Variants in SPICE1 observed in about 807,000 individuals in gnomAD.
The protein encoded by SPICE1 is spindle and centriole associated protein 1, also known as spindle and centriole-associated protein 1.
In SPICE1, 75 loss-of-function variants were observed where a neutral mutation model predicts 102.7. The ratio of observed to expected loss-of-function variants is 0.73; its 90% CI spans 0.61 to 0.88. The LOEUF (loss-of-function observed/expected upper bound fraction) is 0.88. SPICE1 is among the 40% of genes least tolerant of loss of function. The pLI is 0.00. For synonymous variants in SPICE1, 308 were observed against 350.3 expected (o/e 0.88, Z 1.35); for missense variants, 979 against 1,020.1 (o/e 0.96, Z 0.55).
intron 16 of SPICE1, 146 bp from the exon 17 acceptor site, chr3:113,446,822 A>G: frequency 1.5e-6 from 1 of 671,122 alleles, no homozygotes. Context: ...ATTATTTGTA[A>G]CTTATTTTCA....
At position 113,451,650 on chromosome 3, in the gene SPICE1, T is replaced by C. The variant is rs1200200631; in HGVS notation, c.2143-1134A>G. ...CTGCTGTCTTTTTTAAACCAAGAGT[T>C]GCCTGTTATGAATAATCTTCAAAAC... On this transcript the variant is annotated intron_variant, in intron 14 of 17. Transcript: ENST00000295872. Among the ~76,000 whole-genome samples, 5 of 152,168 alleles carry C rather than the reference T, an allele frequency of 3.3e-5. No individual in the cohort carries two copies. The East Asian group carries it at 7.7e-4, about 23-fold the overall frequency.
intron 14 of SPICE1, among the ~76,000 whole-genome samples, chr3:113,450,823 A>G (rs7610552): frequency 0.067 from 9,420 of 140,174 alleles, 382 homozygotes; most frequent in African/African-American, 0.12. Flanking sequence ...TGATCCACCC[A>G]CCTCGATCTC....
At chr3:113,453,442 A>C in intron 14 of SPICE1, 24 bp downstream of exon 14, 2 of 1,569,182 alleles carry the variant, frequency 1.3e-6, no homozygotes, top group Non-Finnish European at 1.7e-6. Context: ...ATATGTCCCT[A>C]ATCAATCCTT....
At chr3:113,490,347 A>G (rs906328068) in intron 6 of SPICE1, among the ~76,000 whole-genome samples, 3 of 152,150 alleles carry the variant, frequency 2.0e-5, no homozygotes, top group Non-Finnish European at 4.4e-5. Context: ...TGCCTATAAG[A>G]TATCTCTATT....
In SPICE1 at chr3:113,493,324, A is replaced by G. The variant is rs772577954; in HGVS notation, c.386-12T>C. Reference sequence around the variant, plus strand: ...TACATTTGGAAACCCTGCAAAAGGAAAAGAAGTTGTGATGATTTGTTTCAT... The same window carrying G: ...TACATTTGGAAACCCTGCAAAAGGAGAAGAAGTTGTGATGATTTGTTTCAT... On this transcript the variant is annotated splice_polypyrimidine_tract_variant and intron_variant, in intron 5 of 17. Transcript: ENST00000295872. 6.2e-7 allele frequency: 1 copy of G among 1,604,468 alleles called. No individual in the cohort carries two copies. Among genetic ancestry groups the G allele is most frequent in the Non-Finnish European group, 8.5e-7 (1 of 1,171,428 alleles).
intron 7 of SPICE1, among the ~76,000 whole-genome samples, chr3:113,488,215 A>C (rs1936688419): frequency 1.3e-5 from 2 of 152,202 alleles, no homozygotes; most frequent in South Asian, 4.1e-4. Context: ...ATTTTATCTG[A>C]ATGAATGCTC....
Position 113,457,346 on chromosome 3 carries a change from C to A in SPICE1, c.1447G>T (p.Val483Leu). The A allele has an allele frequency of 1.9e-6, 3 of 1,614,170 alleles. No homozygotes were observed. The highest frequency in any genetic ancestry group is 2.5e-6 in the Non-Finnish European group (3 of 1,180,036). Residue 483 changes from valine (V) to leucine (L), a missense_variant, in exon 13 of 18, where the codon GTA becomes TTA. Val to Leu is a conservative substitution (Grantham distance 32, BLOSUM62 1). Coordinates refer to ENST00000295872, the MANE Select transcript of SPICE1 (RefSeq NM_144718.4). The stretch of plus-strand genomic sequence containing the variant: ...AATGGCACTGAGACATTGGCATTTA[C>A]AACTGGACGCTCTGAAGAAGATGAG... Reference protein sequence around the residue: ...RVMDSPERPVVNANVSVPLMF... With the variant: ...RVMDSPERPVLNANVSVPLMF...
chr3:113,447,477 A>G (rs1043362783), intron 16 of SPICE1, among the ~76,000 whole-genome samples: 7 of 152,202 alleles, frequency 4.6e-5, no homozygotes, highest in African/African-American at 1.7e-4. Flanking sequence ...AATGACATGT[A>G]TCTGGCATTA....
chr3:113,446,831 C>CA (rs1470069582), intron 16 of SPICE1, among the ~76,000 whole-genome samples, 155 bp from the exon 17 acceptor site: 1 of 152,176 alleles, frequency 6.6e-6, no homozygotes. Context: ...AACTTATTTT[C>CA]ACCAACCTGT....
chr3:113,487,030 T>C (rs1198176062), intron 7 of SPICE1, among the ~76,000 whole-genome samples: 1 of 152,034 alleles, frequency 6.6e-6, no homozygotes, highest in East Asian at 1.9e-4. Flanking sequence ...GCTTTTTGTA[T>C]AATTTTGTCA....
At chr3:113,484,265 TTCTC>T (rs1401627140) in intron 7 of SPICE1, among the ~76,000 whole-genome samples, 9 of 152,186 alleles carry the variant, frequency 5.9e-5, no homozygotes, top group African/African-American at 1.9e-4. Flanking sequence ...TATTTGATTC[TTCTC>T]TCTTTTTTTC....
rs560221846 is a variant in SPICE1 at position 113,475,201 on chromosome 3, C to T, written c.612-5963G>A. Among the ~76,000 whole-genome samples the T allele has an allele frequency of 8.4e-3, 1,275 of 152,204 alleles. 23 individuals carry two copies. The highest frequency in any genetic ancestry group is 0.029 in the African/African-American group (1,204 of 41,522). On this transcript the variant is annotated intron_variant, in intron 7 of 17. Coordinates refer to ENST00000295872, the MANE Select transcript of SPICE1 (RefSeq NM_144718.4). ...AAATCTAGAAGAAATGGATAAATTC[C>T]TCGACACATACATCCTCCCAAGACT... is the stretch of plus-strand genomic sequence containing the variant.
At chr3:113,468,026 C>G in intron 10 of SPICE1, 113 bp downstream of exon 10, 1 of 1,381,864 alleles carries the variant, frequency 7.2e-7, no homozygotes, top group Non-Finnish European at 9.8e-7. Context: ...GTATTTTAAA[C>G]GAAGCTATTC....
At chr3:113,468,615 A>G (rs1306704476) in intron 9 of SPICE1, 147 bp downstream of exon 9, 1 of 1,069,496 alleles carries the variant, frequency 9.4e-7, no homozygotes, top group African/African-American at 1.6e-5. Context: ...TACATGTGGT[A>G]GGAGACATTT....
intron 7 of SPICE1, among the ~76,000 whole-genome samples, chr3:113,475,207 A>G (rs1310655589): frequency 6.6e-6 from 1 of 152,228 alleles, no homozygotes; most frequent in Non-Finnish European, 1.5e-5. Context: ...ATTCCTCGAC[A>G]CATACATCCT....
intron 7 of SPICE1, among the ~76,000 whole-genome samples, 195 bp from the exon 8 acceptor site, chr3:113,469,433 T>A (rs966511396): frequency 1.0e-4 from 15 of 146,466 alleles, no homozygotes; most frequent in African/African-American, 3.0e-4. Flanking sequence ...ATAATTAAAT[T>A]ATATAATTAA....
intron 10 of SPICE1, among the ~76,000 whole-genome samples, chr3:113,466,018 A>G (rs1936047446): frequency 6.6e-6 from 1 of 152,220 alleles, no homozygotes; most frequent in African/African-American, 2.4e-5. Context: ...AAAATTAAGT[A>G]ACTACATTTT....
At chr3:113,510,978 G>T (rs1422428407) in intron 1 of SPICE1, among the ~76,000 whole-genome samples, 2 of 152,148 alleles carry the variant, frequency 1.3e-5, no homozygotes, top group African/African-American at 4.8e-5. Flanking sequence ...CTCAAAAGAA[G>T]ACATTTATGC....
At chr3:113,447,079 CA>C (rs1275128665) in intron 16 of SPICE1, among the ~76,000 whole-genome samples, 2 of 152,062 alleles carry the variant, frequency 1.3e-5, no homozygotes, top group Non-Finnish European at 2.9e-5. Context: ...CTCTTGCTGC[CA>C]CCATGTTAGA....
Sources: allele counts gnomAD v4.1 joint callset (sites outside exome capture counted in the v4.1 genomes callset), GRCh38; gene constraint gnomAD v4.1.1; transcripts MANE v1.5; gene names NCBI Gene and HGNC (gene_info 2026-07-23, HGNC 2026-07-21).